ANKRD54: variants seen among roughly 807,000 people sequenced by gnomAD.
ANKRD54 encodes ankyrin repeat domain 54, also known as ankyrin repeat domain-containing protein 54.
In ANKRD54, 26 loss-of-function variants were observed where a neutral mutation model predicts 36.2. That is an observed-to-expected ratio of 0.72 (90% CI 0.53 to 1.00). ANKRD54 has a LOEUF of 1.00. Ranked by LOEUF, ANKRD54 falls within the 50% of genes least tolerant of loss-of-function variation. The pLI, the probability that ANKRD54 is intolerant of heterozygous loss-of-function variation, is 0.00. For missense variants in ANKRD54, 384 were observed against 424.3 expected, an observed-to-expected ratio of 0.91 and a Z score of 0.83; for synonymous variants, 209 against 188.4, an observed-to-expected ratio of 1.11 and a Z score of -0.89.
chr22:37,842,162 C>T (rs902282459), intron 1 of ANKRD54, among the ~76,000 whole-genome samples: 3 of 152,290 alleles, frequency 2.0e-5, no homozygotes, highest in Non-Finnish European at 4.4e-5. Context: ...GTGGTGCGGG[C>T]CTGTAGTCCC....
chr22:37,845,321 A>G (rs1434171774), upstream of ANKRD54, among the ~76,000 whole-genome samples: 5 of 152,198 alleles, frequency 3.3e-5, no homozygotes, highest in East Asian at 5.8e-4. Context: ...TCACAATCCA[A>G]TGGGAGAAGA....
intron 1 of ANKRD54, among the ~76,000 whole-genome samples, chr22:37,840,535 G>A (rs1220769786): frequency 6.6e-6 from 1 of 151,994 alleles, no homozygotes; most frequent in African/African-American, 2.4e-5. Flanking sequence ...CTCCAGCCTG[G>A]GTGACAGAGT....
intron 2 of ANKRD54, among the ~76,000 whole-genome samples, chr22:37,839,914 A>G (rs1924011242): frequency 6.6e-6 from 1 of 152,224 alleles, no homozygotes; most frequent in Admixed American, 6.5e-5. Context: ...CCAGGGATAC[A>G]AAAGTATACA....
In ANKRD54 at chr22:37,833,182, A is replaced by G. The variant is rs1405348741; in HGVS notation, c.572T>C (p.Val191Ala). The change falls in exon 5 of 8, where the codon GTC (valine) becomes GCC (alanine). Residue 191 changes from valine (V) to alanine (A), a missense_variant. Transcript: ENST00000215941. The stretch of plus-strand genomic sequence containing the variant: ...ACCTCCTCGTAGCAGTGTGGTGATG[A>G]CAGGAACGTGGTTGGTGCAGGCCGC... ...HLAACTNHVP[V>A]ITTLLRGGAR... is the part of the protein sequence containing the mutation. 1 of 1,613,842 alleles carries G rather than the reference A, an allele frequency of 6.2e-7. No homozygotes were observed. Among genetic ancestry groups the G allele is most frequent in the African/African-American group, 1.3e-5 (1 of 75,038 alleles).
rs368872829 is a variant in ANKRD54, at chr22:37,832,026, C to T, written c.829-9G>A. ...TCAGTCACTTCATCCACCTGCAGGA[C>T]GGAACAGAGGCTCTGTTATGGGACA... On this transcript the variant is annotated splice_polypyrimidine_tract_variant and intron_variant, in intron 7 of 7. Coordinates refer to ENST00000215941, the MANE Select transcript of ANKRD54 (RefSeq NM_138797.4). 27 of 1,611,046 alleles carry T rather than the reference C, an allele frequency of 1.7e-5. No homozygotes were observed. In the African/African-American group the frequency reaches 1.7e-4, roughly 10 times the overall value.
Position 37,844,285 on chromosome 22 carries a change from C to A in ANKRD54, c.-47G>T. 6.5e-7 allele frequency: 1 copy of A among 1,534,548 alleles called. No homozygotes were observed. The highest frequency in any genetic ancestry group is 1.2e-5 in the South Asian group (1 of 84,376). On this transcript the variant is annotated 5_prime_UTR_variant, in exon 1 of 8. Transcript: ENST00000215941. ...TGGCCGCCTGAGCCTCGTTCCCGAC[C>A]GACCAACGGACCTACTTCCCTCCGC... is the stretch of plus-strand genomic sequence containing the variant.
At chr22:37,833,349 G>A in intron 4 of ANKRD54, 143 bp from the exon 5 acceptor site, 1 of 1,030,728 alleles carries the variant, frequency 9.7e-7, no homozygotes, top group South Asian at 1.5e-5. Context: ...GCACAGCTAG[G>A]TAGGACTCAG....
In ANKRD54 at chr22:37,832,606, C is replaced by A. The variant is rs1569092752; in HGVS notation, c.828+31G>T. ...GACTGGCCCTGAGGCTCCTGCCAGG[C>A]CCTGGGTCTGGGCCTGTGGCTGCAG... is the stretch of plus-strand genomic sequence containing the variant. On this transcript the variant is annotated intron_variant, in intron 7 of 7. Transcript: ENST00000215941. The A allele has an allele frequency of 6.9e-6, 11 of 1,605,666 alleles. No homozygotes were observed. The East Asian group carries it at 1.1e-4, about 16-fold the overall frequency.
At chr22:37,832,345 T>G (rs8138264) in intron 7 of ANKRD54, among the ~76,000 whole-genome samples, 2,452 of 152,164 alleles carry the variant, frequency 0.016, 50 homozygotes, top group African/African-American at 0.053. Flanking sequence ...GGTTTTTTTT[T>G]TTGTTGTTTT....
chr22:37,839,422 C>A (rs1437436598), intron 2 of ANKRD54, among the ~76,000 whole-genome samples: 1 of 152,158 alleles, frequency 6.6e-6, no homozygotes, highest in African/African-American at 2.4e-5. Flanking sequence ...GAATTTCGCT[C>A]TGTCGCGCAG....
At chr22:37,845,159 C>A (rs373783766), upstream of ANKRD54, among the ~76,000 whole-genome samples, 34 of 152,172 alleles carry the variant, frequency 2.2e-4, no homozygotes, top group Middle Eastern at 3.4e-3. Flanking sequence ...AGTCAGAGTT[C>A]TCTAGGTAAC....
At chr22:37,840,855 C>A (rs1227733577) in intron 1 of ANKRD54, among the ~76,000 whole-genome samples, 1 of 152,004 alleles carries the variant, frequency 6.6e-6, no homozygotes, top group Non-Finnish European at 1.5e-5. Context: ...CCACTGCACT[C>A]CAGCCTGGGT....
upstream of ANKRD54, among the ~76,000 whole-genome samples, chr22:37,846,857 CTT>C (rs759482944): frequency 1.1e-4 from 16 of 142,688 alleles, no homozygotes; most frequent in East Asian, 2.1e-4. Flanking sequence ...AATTTCTTTT[CTT>C]TTTTTTTTTT....
At chr22:37,840,263 A>T in intron 1 of ANKRD54, 29 bp from the exon 2 acceptor site, 1 of 1,612,882 alleles carries the variant, frequency 6.2e-7, no homozygotes. Context: ...ATGCCAGTTT[A>T]AAAAAACAGC....
intron 2 of ANKRD54, among the ~76,000 whole-genome samples, chr22:37,838,908 C>T (rs1160567868): frequency 1.3e-5 from 2 of 152,110 alleles, no homozygotes; most frequent in Admixed American, 1.3e-4. Context: ...ACAGTGGTCC[C>T]CCTCCCGTGA....
At chr22:37,844,346 A>G (rs1430764572), upstream of ANKRD54, 4 of 1,315,236 alleles carry the variant, frequency 3.0e-6, no homozygotes, top group South Asian at 3.0e-5. Context: ...GCGGGCGGGC[A>G]GGGCCCGCAA....
chr22:37,847,520 C>T (rs762536443), upstream of ANKRD54, among the ~76,000 whole-genome samples: 10 of 151,930 alleles, frequency 6.6e-5, no homozygotes, highest in Non-Finnish European at 1.2e-4. Flanking sequence ...TAGCTCGGTT[C>T]GAGCCAGGAA....
chr22:37,849,299 C>T (rs763111798), upstream of ANKRD54: 5 of 960,948 alleles, frequency 5.2e-6, no homozygotes, highest in African/African-American at 3.3e-5. Flanking sequence ...GCTCCTCTTC[C>T]TTCTGGATAT....
At chr22:37,847,012 C>A (rs1468345127), upstream of ANKRD54, among the ~76,000 whole-genome samples, 1 of 151,348 alleles carries the variant, frequency 6.6e-6, no homozygotes, top group Non-Finnish European at 1.5e-5. Flanking sequence ...CGCCACTACG[C>A]CCGGCTAATT....
Sources: gnomAD v4.1 joint callset for allele counts (sites outside exome capture counted in the v4.1 genomes callset) on GRCh38, gnomAD v4.1.1 for gene constraint, MANE v1.5 for transcripts, NCBI Gene and HGNC (gene_info 2026-07-23, HGNC 2026-07-21) for gene names.